Variants in EXOC6 observed in about 807,000 individuals in gnomAD.
EXOC6 encodes exocyst complex component 6, also known as SEC15-like 1.
Under a neutral mutation model 112.5 loss-of-function variants are expected in EXOC6, and 60 were observed. That is an observed-to-expected ratio of 0.53 (90% confidence interval 0.43 to 0.66). EXOC6 has a LOEUF of 0.66. EXOC6 is among the 30% of genes least tolerant of loss of function. The probability of loss-of-function intolerance (pLI) is 0.00; values close to 1 mark genes in which losing one functional copy is unlikely to be tolerated. For missense variants in EXOC6, 855 were observed against 957.1 expected (o/e 0.89, Z 1.41); for synonymous variants, 295 against 308.0 (o/e 0.96, Z 0.44).
At chr10:92,941,352 C>T (rs1402182106) in intron 13 of EXOC6, among the ~76,000 whole-genome samples, 1 of 152,154 alleles carries the variant, frequency 6.6e-6, no homozygotes, top group Non-Finnish European at 1.5e-5. Context: ...GTTCCTTCCA[C>T]CTTTTGACTA....
At chr10:93,027,960 T>G (rs1458184395) in intron 20 of EXOC6, among the ~76,000 whole-genome samples, 2 of 152,166 alleles carry the variant, frequency 1.3e-5, no homozygotes, top group Non-Finnish European at 2.9e-5. Flanking sequence ...CTGGGCAAAG[T>G]CAACTGAGAG....
chr10:93,049,382 C>A (rs918441580), intron 20 of EXOC6, among the ~76,000 whole-genome samples: 1 of 151,570 alleles, frequency 6.6e-6, no homozygotes, highest in African/African-American at 2.4e-5. Context: ...TTTTTAATAG[C>A]CAAAAAAGAT....
At chr10:92,879,756 G>A (rs1378330600) in intron 1 of EXOC6, among the ~76,000 whole-genome samples, 1 of 152,008 alleles carries the variant, frequency 6.6e-6, no homozygotes, top group Non-Finnish European at 1.5e-5. Context: ...ATTTTAAGAT[G>A]TTCTTTAGTA....
At chr10:92,887,180 A>G (rs544493650) in intron 1 of EXOC6, among the ~76,000 whole-genome samples, 2 of 152,248 alleles carry the variant, frequency 1.3e-5, no homozygotes, top group South Asian at 4.1e-4. Context: ...ATACTGTGTC[A>G]AGAGATTCTT....
chr10:92,867,870 A>G lies in EXOC6; in HGVS notation c.101+19236A>G, dbSNP rs557487732. On this transcript the variant is annotated intron_variant, in intron 1 of 21. Transcript: ENST00000260762. ...ATTTTTTTGGACAAGAGTCATTTGCATTAGTATCAGCTTTCTACAATTTAT... is the reference window on the plus strand; with the variant it reads ...ATTTTTTTGGACAAGAGTCATTTGCGTTAGTATCAGCTTTCTACAATTTAT... Among the ~76,000 whole-genome samples the G allele has an allele frequency of 3.3e-5, 5 of 152,254 alleles. No homozygotes were observed. The East Asian group carries it at 9.6e-4, about 29-fold the overall frequency.
At chr10:92,938,824 A>G (rs923892676) in intron 12 of EXOC6, among the ~76,000 whole-genome samples, 4 of 152,132 alleles carry the variant, frequency 2.6e-5, no homozygotes, top group East Asian at 3.8e-4. Context: ...GCAGCAAGCA[A>G]TATGTTAGCT....
At chr10:93,038,040 CAAAAAAA>C (rs1156726278) in intron 20 of EXOC6, among the ~76,000 whole-genome samples, 7 of 26,580 alleles carry the variant, frequency 2.6e-4, no homozygotes, top group African/African-American at 1.4e-3. Flanking sequence ...ACTCCGTCTC[CAAAAAAA>C]AAAAAAAAAA....
intron 1 of EXOC6, among the ~76,000 whole-genome samples, chr10:92,840,287 T>G (rs1232199478): frequency 1.3e-5 from 2 of 152,202 alleles, no homozygotes; most frequent in African/African-American, 2.4e-5. Context: ...ATCAAGTATA[T>G]TCATTAAGAT....
intron 4 of EXOC6, among the ~76,000 whole-genome samples, chr10:92,899,090 C>T (rs2133836485): frequency 6.6e-6 from 1 of 152,232 alleles, no homozygotes; most frequent in Middle Eastern, 3.4e-3. Flanking sequence ...TTCACTCCTG[C>T]TGTAAGCTTT....
At chr10:93,033,031 G>T (rs1173560744) in intron 20 of EXOC6, among the ~76,000 whole-genome samples, 2 of 152,018 alleles carry the variant, frequency 1.3e-5, no homozygotes, top group Non-Finnish European at 2.9e-5. Flanking sequence ...GAGGAAGAGG[G>T]GCAAATGAAA....
At chr10:92,983,886 A>G (rs1306305943) in intron 18 of EXOC6, among the ~76,000 whole-genome samples, 2 of 152,096 alleles carry the variant, frequency 1.3e-5, no homozygotes, top group Admixed American at 6.5e-5. Flanking sequence ...ATTCCCTTCT[A>G]TTTGAAATAA....
At chr10:92,930,594 C>T (rs1851973804) in intron 9 of EXOC6, among the ~76,000 whole-genome samples, 1 of 151,696 alleles carries the variant, frequency 6.6e-6, no homozygotes, top group African/African-American at 2.4e-5. Context: ...GATCCATATG[C>T]AAAAAATGAA....
intron 20 of EXOC6, among the ~76,000 whole-genome samples, chr10:93,044,743 C>T (rs1845926446): frequency 1.3e-5 from 2 of 152,120 alleles, no homozygotes; most frequent in Non-Finnish European, 2.9e-5. Context: ...CTCCCTTTTC[C>T]TCTTGAGGCA....
chr10:92,954,494 GGTCTTT>G, intron 15 of EXOC6, 130 bp from the exon 16 acceptor site: 1 of 470,266 alleles, frequency 2.1e-6, no homozygotes, highest in Admixed American at 4.1e-5. Flanking sequence ...AATAAATATG[GGTCTTT>G]GTAGTTTATT....
In EXOC6 at chr10:93,056,972, T is replaced by G; in HGVS notation, c.2218T>G (p.Tyr740Asp). Residue 740 changes from tyrosine (Y) to aspartate (D), a missense_variant, in exon 21 of 22, where the codon TAT becomes GAT. Coordinates refer to ENST00000260762, the MANE Select transcript of EXOC6 (RefSeq NM_019053.6). The part of the protein sequence containing the change: ...VWDWSTYLAD[Y>D]GQPASKYLRV... ...GGATTGGTCTACTTACCTAGCTGAT[T>G]ATGGGCAGCCAGCTTCTAAGTACCT... 1 of 1,600,096 alleles carries G rather than the reference T, an allele frequency of 6.2e-7. No homozygotes were observed. Among genetic ancestry groups the G allele is most frequent in the African/African-American group, 1.3e-5 (1 of 74,150 alleles).
chr10:92,869,165 C>A (rs530008830), intron 1 of EXOC6, among the ~76,000 whole-genome samples: 58 of 152,046 alleles, frequency 3.8e-4, no homozygotes, highest in Non-Finnish European at 6.5e-4. Flanking sequence ...TAGTGCTTGG[C>A]TAATTTTTAA....
intron 20 of EXOC6, among the ~76,000 whole-genome samples, chr10:93,043,784 C>G (rs1209714093): frequency 1.3e-5 from 2 of 152,160 alleles, no homozygotes; most frequent in African/African-American, 2.4e-5. Context: ...CATTTATCTT[C>G]CCAAGAAAAT....
intron 8 of EXOC6, among the ~76,000 whole-genome samples, chr10:92,927,635 G>A (rs1052836216): frequency 5.9e-5 from 9 of 152,166 alleles, no homozygotes; most frequent in African/African-American, 2.2e-4. Context: ...CATAGTAAAC[G>A]TTCATCATCA....
At chr10:92,884,755 A>G (rs1453515133) in intron 1 of EXOC6, among the ~76,000 whole-genome samples, 1 of 152,210 alleles carries the variant, frequency 6.6e-6, no homozygotes, top group African/African-American at 2.4e-5. Flanking sequence ...CAGTGAATTA[A>G]AAAGATACCC....
Sources: allele counts gnomAD v4.1 joint callset (sites outside exome capture counted in the v4.1 genomes callset), GRCh38; gene constraint gnomAD v4.1.1; transcripts MANE v1.5; gene names NCBI Gene and HGNC (gene_info 2026-07-23, HGNC 2026-07-21).